HEATR6: variants seen among roughly 807,000 people sequenced by gnomAD.
HEATR6 encodes HEAT repeat containing 6.
Under a neutral mutation model 132.8 loss-of-function variants are expected in HEATR6, and 106 were observed. The ratio of observed to expected loss-of-function variants is 0.80; its 90% CI spans 0.68 to 0.94. The LOEUF (loss-of-function observed/expected upper bound fraction) is 0.94, where lower values mean the gene tolerates loss of function less well. Among genes scored for constraint, HEATR6 ranks in the 40% least tolerant of loss-of-function variants. The pLI is 0.00. For synonymous variants in HEATR6, 529 were observed against 537.8 expected, an observed-to-expected ratio of 0.98 and a Z score of 0.23; for missense variants, 1,339 against 1,425.1, an observed-to-expected ratio of 0.94 and a Z score of 0.97.
At chr17:60,060,364 C>T (rs749460772) in intron 9 of HEATR6, among the ~76,000 whole-genome samples, 6 of 152,074 alleles carry the variant, frequency 3.9e-5, no homozygotes, top group African/African-American at 7.2e-5. Flanking sequence ...ACTGCAGCCT[C>T]AAACTCCTGG....
chr17:60,074,784 A>G (rs2083288670), intron 2 of HEATR6, among the ~76,000 whole-genome samples: 1 of 152,194 alleles, frequency 6.6e-6, no homozygotes, highest in Non-Finnish European at 1.5e-5. Flanking sequence ...GAGAGGTGCT[A>G]CTGGCGTCTA....
intron 9 of HEATR6, chr17:60,063,997 G>A (rs750758755): frequency 2.0e-5 from 3 of 152,096 alleles, no homozygotes; most frequent in Non-Finnish European, 4.4e-5. Flanking sequence ...TAACTTTCTA[G>A]AAGTCTTTAT....
chr17:60,057,949 T>C (rs1164844276), intron 11 of HEATR6, among the ~76,000 whole-genome samples: 1 of 152,222 alleles, frequency 6.6e-6, no homozygotes, highest in Non-Finnish European at 1.5e-5. Context: ...TTCTGGGCTC[T>C]CTATTCTGTT....
At position 60,067,751 on chromosome 17, in the gene HEATR6, G is replaced by A; in HGVS notation, c.940-19C>T. The A allele has an allele frequency of 6.3e-7, 1 of 1,594,450 alleles. No homozygotes were observed. Among genetic ancestry groups the A allele is most frequent in the Non-Finnish European group, 8.6e-7 (1 of 1,169,496 alleles). Reference sequence around the variant, plus strand: ...TTTTATTCTGATTGTGGGAGCAAATGAAGACATATATAATAACTACTTCAG... The same window carrying A: ...TTTTATTCTGATTGTGGGAGCAAATAAAGACATATATAATAACTACTTCAG... On this transcript the variant is annotated intron_variant, in intron 7 of 19. Coordinates refer to ENST00000184956, the MANE Select transcript of HEATR6 (RefSeq NM_022070.5).
In HEATR6 at chr17:60,041,950, T is replaced by C. The variant is rs1598900979; in HGVS notation, c.*1613A>G. Among the ~76,000 whole-genome samples the C allele has an allele frequency of 6.6e-6, 1 of 152,326 alleles. No individual in the cohort carries two copies. Among genetic ancestry groups the C allele is most frequent in the East Asian group, 1.9e-4 (1 of 5,194 alleles). ...TTCTTATATATCCCTAAATTCCTAA[T>C]TGAAATCAATTCCAATAAATCGTTG... On this transcript the variant is annotated 3_prime_UTR_variant, in exon 20 of 20. Transcript: ENST00000184956.
In HEATR6 at chr17:60,069,842, T is replaced by C; in HGVS notation, c.808A>G (p.Met270Val). ...TTTAGTCCAGGGAGTCCGTGAAACA[T>C]GAATTTCTAATAATGATGAATAAGG... ...GALLAVLKKFMFHGLPGLNIE... is the reference protein window; with the variant it reads ...GALLAVLKKFVFHGLPGLNIE... Residue 270 changes from methionine to valine, a missense_variant, in exon 7 of 20, where the codon ATG becomes GTG. By Grantham distance (21) the Met-to-Val change is conservative. Transcript: ENST00000184956. 1.2e-6 allele frequency: 2 copies of C among 1,613,658 alleles called. No individual in the cohort carries two copies. Among genetic ancestry groups the C allele is most frequent in the African/African-American group, 1.3e-5 (1 of 74,940 alleles).
rs1310763397 is a variant in HEATR6 at position 60,073,164 on chromosome 17, C to G, written c.584G>C (p.Ser195Thr). The change falls in exon 4 of 20, where the codon AGT becomes ACT. Residue 195 changes from serine to threonine, a missense_variant and splice_region_variant. Transcript: ENST00000184956. ...GAGAAACTTGACTGGAGCCACATAC[C>G]TGAGACATAAGTTTGCCATACAATG... ...AVHCMANLCL[S>T]VPGQPYLEEP... 6.3e-7 allele frequency: 1 copy of G among 1,579,220 alleles called. No individual in the cohort carries two copies. Among genetic ancestry groups the G allele is most frequent in the Non-Finnish European group, 8.7e-7 (1 of 1,148,242 alleles).
rs547272929 is a variant in HEATR6 at position 60,078,015 on chromosome 17, C to A, written c.219+681G>T. ...GTGGGATGGACTGGGGACGGGAATG[C>A]GTGTTTGGAGCTAATGAATTTCATC... is the stretch of plus-strand genomic sequence containing the variant. On this transcript the variant is annotated intron_variant, in intron 1 of 19. Coordinates refer to ENST00000184956, the MANE Select transcript of HEATR6 (RefSeq NM_022070.5). Among the ~76,000 whole-genome samples the A allele has an allele frequency of 5.3e-5, 8 of 152,254 alleles. No individual in the cohort carries two copies. The South Asian group carries it at 1.2e-3, about 24-fold the overall frequency.
At chr17:60,047,475 A>G in intron 17 of HEATR6, 70 bp from the exon 18 acceptor site, 1 of 823,466 alleles carries the variant, frequency 1.2e-6, no homozygotes, top group East Asian at 2.9e-5. Flanking sequence ...ATAGAAATAT[A>G]TTCAATTAGT....
In HEATR6 at chr17:60,049,699, C is replaced by A; in HGVS notation, c.2428G>T (p.Asp810Tyr). The A allele has an allele frequency of 6.2e-7, 1 of 1,612,856 alleles. No homozygotes were observed. Among genetic ancestry groups the A allele is most frequent in the South Asian group, 1.1e-5 (1 of 91,036 alleles). The stretch of plus-strand genomic sequence containing the variant: ...ACTGTGATGCACAGCATCTGCCTGT[C>A]ATTCTGCAATGAGAAGGTTGACAAG... The part of the protein sequence containing the change: ...LPEAFSNLPN[D>Y]RQMLCITVLL... Residue 810 changes from aspartate to tyrosine, a missense_variant, in exon 16 of 20, where the codon GAC (aspartate) becomes TAC (tyrosine). Asp to Tyr is a radical substitution (Grantham distance 160). Coordinates refer to ENST00000184956, the MANE Select transcript of HEATR6 (RefSeq NM_022070.5).
At chr17:60,054,328 T>C (rs570538366) in intron 14 of HEATR6, among the ~76,000 whole-genome samples, 2 of 152,180 alleles carry the variant, frequency 1.3e-5, no homozygotes, top group Admixed American at 6.5e-5. Flanking sequence ...TAAGCCTGGG[T>C]GCCCATGCAG....
rs147472962 is a variant in HEATR6, at chr17:60,057,143, C to T, written c.1984G>A (p.Val662Ile). The change falls in exon 12 of 20, where the codon GTA becomes ATA. Residue 662 changes from valine (V) to isoleucine (I), a missense_variant. Val to Ile is a conservative substitution (Grantham distance 29, BLOSUM62 3). Coordinates refer to ENST00000184956, the MANE Select transcript of HEATR6 (RefSeq NM_022070.5). The stretch of plus-strand genomic sequence containing the variant: ...GAACAGGAATCCTCCTTGGGCAGTA[C>T]GACAATGGAAATGCAGAGTCGAATG... ...WLIRLCISIV[V>I]LPKEDSCSGS... 1.2e-6 allele frequency: 2 copies of T among 1,614,078 alleles called. No homozygotes were observed. The highest frequency in any genetic ancestry group is 1.7e-6 in the Non-Finnish European group (2 of 1,180,006).
intron 2 of HEATR6, 161 bp from the exon 3 acceptor site, chr17:60,074,047 C>T: frequency 2.2e-6 from 3 of 1,356,468 alleles, no homozygotes; most frequent in Non-Finnish European, 2.8e-6. Flanking sequence ...AAAGTTTGAT[C>T]AACGTAGGGG....
At chr17:60,049,002 A>C (rs1388759628) in intron 16 of HEATR6, among the ~76,000 whole-genome samples, 1 of 131,678 alleles carries the variant, frequency 7.6e-6, no homozygotes, top group Admixed American at 7.6e-5. Flanking sequence ...ATATATATAT[A>C]TATATATATA....
rs1162079728 is a variant in HEATR6 at position 60,055,590 on chromosome 17, T to C, written c.2214A>G (p.Glu738=). 1.2e-6 allele frequency: 2 copies of C among 1,610,184 alleles called. No homozygotes were observed. The highest frequency in any genetic ancestry group is 2.7e-5 in the African/African-American group (2 of 74,982). Reference sequence around the variant, plus strand: ...ACTGCTGTATTAAGCCTGTGCCCAGTTCTTCCAGAAGCTGCCAAGAAAAAG... The same window carrying C: ...ACTGCTGTATTAAGCCTGTGCCCAGCTCTTCCAGAAGCTGCCAAGAAAAAG... ...IQLHGAKLLE[E]LGTGLIQQYK... is the part of the protein sequence containing the mutation. Residue 738 remains glutamate, a synonymous_variant, in exon 14 of 20, where the codon GAA becomes GAG. Transcript: ENST00000184956.
At position 60,078,741 on chromosome 17, in the gene HEATR6, C is replaced by T; in HGVS notation, c.174G>A (p.Gln58=). 6.4e-7 allele frequency: 1 copy of T among 1,556,718 alleles called. No homozygotes were observed. Among genetic ancestry groups the T allele is most frequent in the Non-Finnish European group, 8.7e-7 (1 of 1,152,136 alleles). The change falls in exon 1 of 20, where the codon CAG becomes CAA. Residue 58 remains glutamine, a synonymous_variant. Coordinates refer to ENST00000184956, the MANE Select transcript of HEATR6 (RefSeq NM_022070.5). ...ARTEIHLLFD[Q]LISENYSEGS... ...CCTCGCTGTAGTTCTCGGAGATGAG[C>T]TGATCGAAGAGCAGGTGGATCTCGG...
At chr17:60,050,809 A>G in intron 15 of HEATR6, 34 bp downstream of exon 15, 1 of 1,611,848 alleles carries the variant, frequency 6.2e-7, no homozygotes. Flanking sequence ...TGCTCCAGCC[A>G]TGATTTAAGG....
intron 14 of HEATR6, among the ~76,000 whole-genome samples, chr17:60,051,678 T>A (rs1906580540): frequency 6.6e-6 from 1 of 152,230 alleles, no homozygotes; most frequent in Non-Finnish European, 1.5e-5. Context: ...GCTTTATACA[T>A]ATCCTGTGAT....
chr17:60,055,728 AG>A (rs1376823138), intron 13 of HEATR6, 127 bp from the exon 14 acceptor site: 2 of 587,442 alleles, frequency 3.4e-6, no homozygotes, highest in Non-Finnish European at 6.0e-6. Flanking sequence ...CCTTCACTCG[AG>A]TGACACCTTC....
Sources: gnomAD v4.1 joint callset for allele counts (sites outside exome capture counted in the v4.1 genomes callset) on GRCh38, gnomAD v4.1.1 for gene constraint, MANE v1.5 for transcripts, NCBI Gene and HGNC (gene_info 2026-07-23, HGNC 2026-07-21) for gene names.